The following HNMT variants were observed in gnomAD, a reference collection of about 807,000 sequenced individuals.
HNMT encodes the protein histamine N-methyltransferase.
Under a neutral mutation model 32.1 loss-of-function variants are expected in HNMT, and 30 were observed. That is an observed-to-expected ratio of 0.93 (90% CI 0.70 to 1.27). HNMT has a LOEUF of 1.27. HNMT is among the 50% of genes most tolerant of loss of function. The pLI is 0.00. For synonymous variants in HNMT, 125 were observed against 119.0 expected (o/e 1.05, Z -0.33); for missense variants, 327 against 346.0 (o/e 0.95, Z 0.43).
chr2:137,985,047 G>C (rs1222573943), intron 2 of HNMT, among the ~76,000 whole-genome samples: 1 of 152,074 alleles, frequency 6.6e-6, no homozygotes, highest in Non-Finnish European at 1.5e-5. Context: ...CTCTGCCTTT[G>C]AATAGTAGCA....
intron 2 of HNMT, among the ~76,000 whole-genome samples, chr2:137,982,147 C>G (rs1680522309): frequency 6.6e-6 from 1 of 152,170 alleles, no homozygotes. Flanking sequence ...CTGCGCCCAG[C>G]CTTAATTTTT....
chr2:138,000,223 A>G (rs1573671302), intron 2 of HNMT, among the ~76,000 whole-genome samples: 1 of 152,016 alleles, frequency 6.6e-6, no homozygotes, highest in East Asian at 1.9e-4. Context: ...TTCTGGGCTA[A>G]CTCCCACTTA....
chr2:137,976,026 G>A lies in HNMT; in HGVS notation c.190+5809G>A, dbSNP rs182165380. Among the ~76,000 whole-genome samples the A allele has an allele frequency of 6.1e-4, 93 of 152,258 alleles. 1 individual carries two copies. In the East Asian group the frequency reaches 0.011, roughly 18 times the overall value. On this transcript the variant is annotated intron_variant, in intron 2 of 5. Transcript: ENST00000280097. Reference sequence around the variant, plus strand: ...TCACGCCTGTAATCCCAGTACTTTGGGAGGCCAACTGGGGCCGATCACCTG... The same window carrying A: ...TCACGCCTGTAATCCCAGTACTTTGAGAGGCCAACTGGGGCCGATCACCTG...
chr2:137,972,373 TGAG>T (rs1680164795), intron 2 of HNMT, among the ~76,000 whole-genome samples: 1 of 152,212 alleles, frequency 6.6e-6, no homozygotes, highest in Non-Finnish European at 1.5e-5. Flanking sequence ...CCCAAAGTGC[TGAG>T]ATTACAGGCA....
intron 2 of HNMT, among the ~76,000 whole-genome samples, chr2:137,998,187 GTAT>G (rs1187122162): frequency 6.6e-6 from 1 of 152,052 alleles, no homozygotes; most frequent in Non-Finnish European, 1.5e-5. Context: ...GAGCACAGTG[GTAT>G]TATTTATTGT....
In HNMT at chr2:137,988,032, A is replaced by G. The variant is rs549472671; in HGVS notation, c.191-12886A>G. Among the ~76,000 whole-genome samples, 14 of 152,280 alleles carry G rather than the reference A, an allele frequency of 9.2e-5. No homozygotes were observed. The East Asian group carries it at 2.7e-3, about 29-fold the overall frequency. ...GACCTTTTTAGGCAGAGGAGAAAGC[A>G]TGGGAGAGGATGGTACGTAAAGGAA... On this transcript the variant is annotated intron_variant, in intron 2 of 5. Coordinates refer to ENST00000280097, the MANE Select transcript of HNMT (RefSeq NM_006895.3).
intron 2 of HNMT, among the ~76,000 whole-genome samples, chr2:137,980,467 G>C (rs539091784): frequency 2.0e-5 from 3 of 152,352 alleles, no homozygotes; most frequent in African/African-American, 4.8e-5. Flanking sequence ...TCTGAGGACA[G>C]TGAGGATGAT....
intron 4 of HNMT, among the ~76,000 whole-genome samples, chr2:138,002,977 C>T (rs1048962003): frequency 4.6e-5 from 7 of 151,076 alleles, no homozygotes; most frequent in East Asian, 4.0e-4. Context: ...AAGGGAGTGA[C>T]GCAAGAACAA....
At chr2:137,978,502 CAT>C (rs948184263) in intron 2 of HNMT, among the ~76,000 whole-genome samples, 6 of 130,966 alleles carry the variant, frequency 4.6e-5, no homozygotes, top group African/African-American at 1.7e-4. Flanking sequence ...TTATACAATA[CAT>C]ATGATTATAT....
At chr2:138,002,326 G>C (rs1260681296) in intron 4 of HNMT, 132 bp downstream of exon 4, 1 of 1,107,490 alleles carries the variant, frequency 9.0e-7, no homozygotes, top group African/African-American at 1.6e-5. Flanking sequence ...AAGTGACCAT[G>C]ATCTGCCCAA....
intron 4 of HNMT, among the ~76,000 whole-genome samples, chr2:138,003,115 G>A (rs538166808): frequency 1.4e-4 from 20 of 146,260 alleles, no homozygotes; most frequent in African/African-American, 5.1e-4. Flanking sequence ...GGATAGCATC[G>A]GGAGATATAC....
intron 1 of HNMT, 42 bp downstream of exon 1, chr2:137,964,670 C>T (rs920809217): frequency 3.1e-6 from 5 of 1,607,166 alleles, no homozygotes; most frequent in Middle Eastern, 1.7e-4. Flanking sequence ...AAGCCTCAGA[C>T]TGGCTGTGCG....
intron 4 of HNMT, among the ~76,000 whole-genome samples, chr2:138,004,440 G>C (rs900398061): frequency 6.6e-6 from 1 of 151,960 alleles, no homozygotes; most frequent in East Asian, 1.9e-4. Flanking sequence ...TATGGGGGTG[G>C]GGTCCAAAGA....
At chr2:137,986,239 T>TTA (rs748115404) in intron 2 of HNMT, among the ~76,000 whole-genome samples, 24 of 149,816 alleles carry the variant, frequency 1.6e-4, no homozygotes, top group East Asian at 1.4e-3. Context: ...ACCAACGAGA[T>TTA]TATATATATA....
intron 5 of HNMT, among the ~76,000 whole-genome samples, chr2:138,006,111 C>A (rs896280398): frequency 5.1e-4 from 77 of 152,070 alleles, no homozygotes; most frequent in African/African-American, 1.8e-3. Context: ...CTGTACACAA[C>A]CTCTCCTGCA....
intron 5 of HNMT, among the ~76,000 whole-genome samples, chr2:138,009,150 C>T (rs572966627): frequency 6.6e-6 from 1 of 152,074 alleles, no homozygotes; most frequent in Non-Finnish European, 1.5e-5. Context: ...TGAAAAAAAG[C>T]TCAACATCAC....
intron 2 of HNMT, among the ~76,000 whole-genome samples, chr2:137,977,074 A>G (rs1456647003): frequency 1.3e-5 from 2 of 152,250 alleles, no homozygotes; most frequent in Non-Finnish European, 2.9e-5. Flanking sequence ...AAAAGCAAAT[A>G]AACTTAGTTC....
chr2:137,965,765 T>C (rs1486140374), intron 1 of HNMT, among the ~76,000 whole-genome samples: 1 of 152,188 alleles, frequency 6.6e-6, no homozygotes, highest in Non-Finnish European at 1.5e-5. Flanking sequence ...ATTTCTCAAT[T>C]CTTTTTCAGT....
At chr2:138,000,889 G>A (rs1251181300) in intron 2 of HNMT, 29 bp from the exon 3 acceptor site, 4 of 1,232,420 alleles carry the variant, frequency 3.2e-6, no homozygotes, top group Admixed American at 2.0e-5. Flanking sequence ...CTGGAATGAT[G>A]TGACCTGTCC....
Sources: allele counts gnomAD v4.1 joint callset (sites outside exome capture counted in the v4.1 genomes callset), GRCh38; gene constraint gnomAD v4.1.1; transcripts MANE v1.5; gene names NCBI Gene and HGNC (gene_info 2026-07-23, HGNC 2026-07-21).